Variants in TSHZ2 observed in about 807,000 individuals in gnomAD.
TSHZ2 encodes the protein teashirt homolog 2.
A neutral mutation model predicts 74.4 loss-of-function variants in TSHZ2; 21 were observed. The observed-to-expected ratio is 0.28, with a 90% CI of 0.20 to 0.41. TSHZ2 has a LOEUF of 0.41. Among genes scored for constraint, TSHZ2 ranks in the 10% least tolerant of loss-of-function variants. The pLI is 1.00. For synonymous variants in TSHZ2, 540 were observed against 515.3 expected (o/e 1.05, Z -0.65); for missense variants, 1,244 against 1,293.5 (o/e 0.96, Z 0.59).
At chr20:53,216,934 C>T (rs976910867) in intron 1 of TSHZ2, among the ~76,000 whole-genome samples, 9 of 152,188 alleles carry the variant, frequency 5.9e-5, no homozygotes, top group Non-Finnish European at 1.2e-4. Flanking sequence ...CCGTGCAGGG[C>T]TCCAGCGGTG....
intron 2 of TSHZ2, among the ~76,000 whole-genome samples, chr20:53,319,240 A>G (rs200648): frequency 0.45 from 68,191 of 152,150 alleles, 16,378 homozygotes; most frequent in Non-Finnish European, 0.54. Context: ...TAAAAAAGCC[A>G]AGTATAAGTG....
chr20:53,228,956 A>G (rs1396463178), intron 1 of TSHZ2, among the ~76,000 whole-genome samples: 1 of 152,194 alleles, frequency 6.6e-6, no homozygotes, highest in East Asian at 1.9e-4. Context: ...AATTCTCCAG[A>G]TGAGTGTCTC....
At chr20:53,405,474 A>G (rs1056987301) in intron 2 of TSHZ2, among the ~76,000 whole-genome samples, 3 of 152,190 alleles carry the variant, frequency 2.0e-5, no homozygotes, top group Non-Finnish European at 4.4e-5. Flanking sequence ...TTCTGCATAC[A>G]TAGATCAAAT....
At chr20:52,974,767 T>C (rs1981263780) in intron 1 of TSHZ2, among the ~76,000 whole-genome samples, 1 of 152,250 alleles carries the variant, frequency 6.6e-6, no homozygotes, top group Non-Finnish European at 1.5e-5. Flanking sequence ...CGCCTGAGTG[T>C]TTCAAAATAT....
At position 53,433,584 on chromosome 20, in the gene TSHZ2, G is replaced by GACACACACACACACAC. The variant is rs59162370; in HGVS notation, c.*9-53536_*9-53521dup. On this transcript the variant is annotated intron_variant, in intron 2 of 2. Transcript: ENST00000371497. ...ACCAACACAGACACACAGACACACAGACACACACACACACACACACACACA... is the reference window on the plus strand; with the variant it reads ...ACCAACACAGACACACAGACACACAGACACACACACACACACACACACACACACACACACACACACA... Among the ~76,000 whole-genome samples, 146 of 137,146 alleles carry GACACACACACACACAC rather than the reference G, an allele frequency of 1.1e-3. 1 individual carries two copies. The highest frequency in any genetic ancestry group is 8.5e-3 in the East Asian group (40 of 4,700). The allele number at this position is 137,146 out of a possible 152,430, so 90.0% of individuals were successfully genotyped here. A position where few individuals can be genotyped will look rare whatever the true frequency, so the allele number is the denominator to read the frequency against.
At position 53,001,230 on chromosome 20, in the gene TSHZ2, G is replaced by GTGTGTATGTGTGTGTGTGTGTGTA. The variant is rs755040371; in HGVS notation, c.40+27902_40+27903insATGTGTGTGTGTGTGTGTATGTGT. Among the ~76,000 whole-genome samples the GTGTGTATGTGTGTGTGTGTGTGTA allele has an allele frequency of 5.9e-4, 74 of 126,204 alleles. 1 individual carries two copies. The highest frequency in any genetic ancestry group is 7.2e-4 in the Admixed American group (9 of 12,582). The allele number at this position is 126,204 out of a possible 152,430, so 82.8% of individuals were successfully genotyped here. On this transcript the variant is annotated intron_variant, in intron 1 of 2. Coordinates refer to ENST00000371497, the MANE Select transcript of TSHZ2 (RefSeq NM_173485.6). ...CGTGTGTGTGTGTGTGTGTGTGTGT[G>GTGTGTATGTGTGTGTGTGTGTGTA]TGTGTGTGTGTGTGTGTGTGTGTGT...
At chr20:53,182,181 CCTTTTCTTTCTTTCTTCTT>C (rs1412663113) in intron 1 of TSHZ2, among the ~76,000 whole-genome samples, 1 of 136,402 alleles carries the variant, frequency 7.3e-6, no homozygotes. Context: ...TTTCTTCCTT[CCTTTTCTTTCTTTCTTCTT>C]CTCTTCCTCA....
At chr20:53,186,502 A>G (rs1988602096) in intron 1 of TSHZ2, among the ~76,000 whole-genome samples, 1 of 152,226 alleles carries the variant, frequency 6.6e-6, no homozygotes, top group Admixed American at 6.5e-5. Flanking sequence ...GGGGTCAAGC[A>G]GTCAGCTCTA....
At chr20:53,448,703 T>C (rs1362137976) in intron 2 of TSHZ2, among the ~76,000 whole-genome samples, 1 of 152,230 alleles carries the variant, frequency 6.6e-6, no homozygotes, top group Non-Finnish European at 1.5e-5. Flanking sequence ...CCTTTAGTCC[T>C]TAACTTTGTG....
chr20:53,267,253 G>A (rs1049084069), intron 2 of TSHZ2, among the ~76,000 whole-genome samples: 1 of 152,176 alleles, frequency 6.6e-6, no homozygotes, highest in Non-Finnish European at 1.5e-5. Context: ...GAAACAAGAA[G>A]TGTGTCCCAG....
At chr20:53,422,894 C>A (rs756635789) in intron 2 of TSHZ2, among the ~76,000 whole-genome samples, 1 of 152,186 alleles carries the variant, frequency 6.6e-6, no homozygotes, top group African/African-American at 2.4e-5. Context: ...ATAATAATAT[C>A]TATACTTAAC....
intron 2 of TSHZ2, among the ~76,000 whole-genome samples, chr20:53,293,944 A>T (rs1187850523): frequency 1.3e-5 from 2 of 152,022 alleles, no homozygotes; most frequent in Admixed American, 1.3e-4. Context: ...TGAAAAAGGG[A>T]GTCGGAGGTT....
rs761322202 is a variant in TSHZ2 at position 53,255,669 on chromosome 20, G to A, written c.2211G>A (p.Met737Ile). Residue 737 changes from methionine (M) to isoleucine (I), a missense_variant, in exon 2 of 3, where the codon ATG becomes ATA. Coordinates refer to ENST00000371497, the MANE Select transcript of TSHZ2 (RefSeq NM_173485.6). This position sits in a 1 kb window ranked among gnomAD's most constrained non-coding sequence, Gnocchi z 4.1. The stretch of plus-strand genomic sequence containing the variant: ...TCCACAAGTCGAATCTCAATGTCAT[G>A]GACAAGCCGGTCTTGAGTCCTGCCT... ...SMFHKSNLNVMDKPVLSPAST... is the reference protein window; with the variant it reads ...SMFHKSNLNVIDKPVLSPAST... 4 of 1,580,826 alleles carry A rather than the reference G, an allele frequency of 2.5e-6. No homozygotes were observed. Among genetic ancestry groups the A allele is most frequent in the Non-Finnish European group, 2.6e-6 (3 of 1,164,114 alleles).
intron 1 of TSHZ2, among the ~76,000 whole-genome samples, chr20:53,184,382 C>T (rs772087862): frequency 5.9e-5 from 9 of 152,116 alleles, no homozygotes; most frequent in South Asian, 2.1e-4. Flanking sequence ...TGAATTTTAA[C>T]GCATCTTGGA....
At position 53,007,669 on chromosome 20, in the gene TSHZ2, GTGTA is replaced by G. The variant is rs1482721601; in HGVS notation, c.40+34346_40+34349del. On this transcript the variant is annotated intron_variant, in intron 1 of 2. Coordinates refer to ENST00000371497, the MANE Select transcript of TSHZ2 (RefSeq NM_173485.6). ...TGTGTGTATGTATGTATACTCATGC[GTGTA>G]TGTATGTATATGCGTGTGTGGTGTG... Among the ~76,000 whole-genome samples, 8 of 151,236 alleles carry G rather than the reference GTGTA, an allele frequency of 5.3e-5. No homozygotes were observed. In the South Asian group the frequency reaches 6.3e-4, roughly 12 times the overall value.
intron 1 of TSHZ2, among the ~76,000 whole-genome samples, chr20:53,209,425 GTACTC>G (rs1366307855): frequency 6.6e-6 from 1 of 152,148 alleles, no homozygotes; most frequent in Non-Finnish European, 1.5e-5. Flanking sequence ...TCTCCTCCCA[GTACTC>G]TACTGTGCAG....
intron 2 of TSHZ2, among the ~76,000 whole-genome samples, chr20:53,330,317 C>T (rs1979674866): frequency 6.6e-6 from 1 of 152,126 alleles, no homozygotes; most frequent in Non-Finnish European, 1.5e-5. Context: ...ATAACAAAGC[C>T]AAAGCTAGTT....
intron 1 of TSHZ2, among the ~76,000 whole-genome samples, chr20:52,977,463 C>G (rs1420455727): frequency 1.4e-5 from 2 of 145,992 alleles, no homozygotes; most frequent in Non-Finnish European, 3.0e-5. Flanking sequence ...CACACACACA[C>G]ACACACGCAT....
At chr20:53,289,090 C>T (rs534476974) in intron 2 of TSHZ2, among the ~76,000 whole-genome samples, 2 of 152,240 alleles carry the variant, frequency 1.3e-5, no homozygotes, top group South Asian at 2.1e-4. Flanking sequence ...TCCTGAGTTA[C>T]GTCACTTAGA....
Sources: gnomAD v4.1 joint callset for allele counts (sites outside exome capture counted in the v4.1 genomes callset) on GRCh38, gnomAD v4.1.1 for gene constraint, Gnocchi (gnomAD v3.1) non-coding constraint, MANE v1.5 for transcripts, NCBI Gene and HGNC (gene_info 2026-07-23, HGNC 2026-07-21) for gene names.